Variants in CDH13 observed in about 807,000 individuals in gnomAD.
CDH13 encodes the protein cadherin-13.
A neutral mutation model predicts 63.8 loss-of-function variants in CDH13; 24 were observed. The ratio of observed to expected loss-of-function variants is 0.38; its 90% CI spans 0.27 to 0.53. The LOEUF is 0.53. Among genes scored for constraint, CDH13 ranks in the 20% least tolerant of loss-of-function variants. The pLI, the probability that CDH13 is intolerant of heterozygous loss-of-function variation, is 0.85. For missense variants in CDH13, 1,049 were observed against 903.1 expected, an observed-to-expected ratio of 1.16 and a Z score of -2.07; for synonymous variants, 503 against 355.3, an observed-to-expected ratio of 1.42 and a Z score of -4.67.
intron 7 of CDH13, among the ~76,000 whole-genome samples, chr16:83,544,909 C>T (rs918810690): frequency 7.9e-5 from 12 of 152,144 alleles, no homozygotes; most frequent in African/African-American, 2.2e-4. Context: ...TTCTTCTCCC[C>T]GTTAGCCGTC....
chr16:82,764,793 A>G (rs548618649), intron 1 of CDH13, among the ~76,000 whole-genome samples: 112 of 149,304 alleles, frequency 7.5e-4, no homozygotes, highest in Non-Finnish European at 1.3e-3. Context: ...GAGTCCCTTC[A>G]TCTTCATTCA....
At chr16:82,663,976 C>G (rs1360612219) in intron 1 of CDH13, among the ~76,000 whole-genome samples, 1 of 152,206 alleles carries the variant, frequency 6.6e-6, no homozygotes, top group African/African-American at 2.4e-5. Context: ...CATGTGGGCT[C>G]TCAGGACTCT....
chr16:83,012,350 C>G (rs1009376059), intron 2 of CDH13, among the ~76,000 whole-genome samples: 8 of 129,516 alleles, frequency 6.2e-5, no homozygotes, highest in African/African-American at 2.3e-4. Flanking sequence ...CCCCTTTGCT[C>G]AAAGAAATAG....
intron 1 of CDH13, among the ~76,000 whole-genome samples, chr16:82,655,842 A>G (rs1243009877): frequency 2.0e-5 from 3 of 152,184 alleles, no homozygotes; most frequent in Non-Finnish European, 4.4e-5. Context: ...AAGGTCGCCC[A>G]GATAGGAAGC....
At chr16:83,275,382 G>C (rs2088955385) in intron 5 of CDH13, among the ~76,000 whole-genome samples, 1 of 152,206 alleles carries the variant, frequency 6.6e-6, no homozygotes, top group African/African-American at 2.4e-5. Flanking sequence ...AATTTTGGCT[G>C]CTAATTTCCT....
rs554329840 is a variant in CDH13, at chr16:82,941,885, C to T, written c.157+83412C>T. On this transcript the variant is annotated intron_variant, in intron 2 of 13. Transcript: ENST00000567109. ...TTGTTCTCCAGAATATAACAGTTCT[C>T]TTCCATTTAAAAGAAACTTCCCTCA... 5.3e-5 allele frequency among the ~76,000 whole-genome samples: 8 copies of T among 152,288 alleles called. No individual in the cohort carries two copies. The South Asian group carries it at 1.7e-3, about 32-fold the overall frequency.
intron 7 of CDH13, among the ~76,000 whole-genome samples, chr16:83,566,106 T>C (rs1904278137): frequency 6.6e-6 from 1 of 152,202 alleles, no homozygotes; most frequent in African/African-American, 2.4e-5. Context: ...CCTGCTCAGA[T>C]GCCCTGAATG....
intron 11 of CDH13, among the ~76,000 whole-genome samples, chr16:83,776,114 A>C (rs1286958439): frequency 6.6e-6 from 1 of 152,198 alleles, no homozygotes; most frequent in African/African-American, 2.4e-5. Context: ...TACTAACTTC[A>C]GAAAAAGACA....
intron 11 of CDH13, among the ~76,000 whole-genome samples, chr16:83,774,916 A>G (rs1039365008): frequency 6.7e-6 from 1 of 149,414 alleles, no homozygotes; most frequent in African/African-American, 2.4e-5. Context: ...GTACACTTCA[A>G]AGTGGTTAAA....
intron 5 of CDH13, among the ~76,000 whole-genome samples, chr16:83,280,410 A>G (rs796094711): frequency 2.8e-4 from 43 of 152,340 alleles, no homozygotes; most frequent in African/African-American, 1.0e-3. Flanking sequence ...GCAGGAATTC[A>G]TTCACATCTT....
intron 2 of CDH13, among the ~76,000 whole-genome samples, chr16:83,021,447 A>C (rs1044987369): frequency 1.3e-5 from 2 of 152,244 alleles, no homozygotes; most frequent in Admixed American, 6.5e-5. Flanking sequence ...TAAGACTGAC[A>C]CACATACAAA....
intron 3 of CDH13, among the ~76,000 whole-genome samples, chr16:83,120,779 T>TTTTTTTTTTTTTTTG (rs2035534658): frequency 7.6e-6 from 1 of 131,562 alleles, no homozygotes; most frequent in Non-Finnish European, 1.6e-5. Flanking sequence ...TTTTTTTTTT[T>TTTTTTTTTTTTTTTG]CTGAGATGGA....
At chr16:83,077,991 C>T (rs1232948784) in intron 3 of CDH13, among the ~76,000 whole-genome samples, 3 of 150,750 alleles carry the variant, frequency 2.0e-5, no homozygotes, top group Non-Finnish European at 4.4e-5. Flanking sequence ...TGTTCTGTTC[C>T]TTAAAGGAAC....
In CDH13 at chr16:83,120,763, C is replaced by CTTTTTTT. The variant is rs750711823; in HGVS notation, c.367-4612_367-4606dup. On this transcript the variant is annotated intron_variant, in intron 3 of 13. Transcript: ENST00000567109. ...AATACAACGCGCTCTAATTTTCTTT[C>CTTTTTTT]TTTTTTTTTTTTTTTTCTGAGATGG... 5.1e-4 allele frequency among the ~76,000 whole-genome samples: 31 copies of CTTTTTTT among 60,220 alleles called. 5 individuals carry two copies. Among genetic ancestry groups the CTTTTTTT allele is most frequent in the African/African-American group, 1.4e-3 (28 of 20,674 alleles). The allele number at this position is 60,220 out of a possible 152,430, so 39.5% of individuals were successfully genotyped here. A position where few individuals can be genotyped will look rare whatever the true frequency, so the allele number is the denominator to read the frequency against.
chr16:82,973,018 G>T (rs572409861), intron 2 of CDH13, among the ~76,000 whole-genome samples: 2 of 152,100 alleles, frequency 1.3e-5, no homozygotes, highest in Non-Finnish European at 2.9e-5. Flanking sequence ...TGTCAGTCTC[G>T]TTACAGAATC....
chr16:83,145,232 C>A (rs1218127635), intron 4 of CDH13, among the ~76,000 whole-genome samples: 1 of 152,142 alleles, frequency 6.6e-6, no homozygotes, highest in African/African-American at 2.4e-5. Flanking sequence ...TGGTCGCTGA[C>A]AAACTCGGAG....
chr16:83,129,341 A>G (rs1408283305), intron 4 of CDH13, among the ~76,000 whole-genome samples: 1 of 152,214 alleles, frequency 6.6e-6, no homozygotes, highest in Non-Finnish European at 1.5e-5. Flanking sequence ...AAAAGTATAA[A>G]GACGTTTGTC....
At chr16:83,020,452 C>T (rs924008467) in intron 2 of CDH13, among the ~76,000 whole-genome samples, 3 of 152,176 alleles carry the variant, frequency 2.0e-5, no homozygotes, top group African/African-American at 7.2e-5. Flanking sequence ...CCTCAAGGTG[C>T]CAACAGACCC....
At chr16:83,323,222 C>CTTTCTTTCTTTCTTTCTTTT (rs1567591290) in intron 5 of CDH13, among the ~76,000 whole-genome samples, 1 of 142,514 alleles carries the variant, frequency 7.0e-6, no homozygotes, top group African/African-American at 2.6e-5. Flanking sequence ...TTCTTTCTTT[C>CTTTCTTTCTTTCTTTCTTTT]TTTCTTTCTT....
Sources: gnomAD v4.1 joint callset for allele counts (sites outside exome capture counted in the v4.1 genomes callset) on GRCh38, gnomAD v4.1.1 for gene constraint, MANE v1.5 for transcripts, NCBI Gene and HGNC (gene_info 2026-07-23, HGNC 2026-07-21) for gene names.